The following EIF5B variants were observed in gnomAD, a reference collection of about 807,000 sequenced individuals.
EIF5B encodes the protein eIF-5B.
In EIF5B, 47 loss-of-function variants were observed where a neutral mutation model predicts 147.5. The observed-to-expected ratio is 0.32, with a 90% CI of 0.25 to 0.41. EIF5B has a LOEUF of 0.41. EIF5B is among the 10% of genes least tolerant of loss of function. The pLI is 1.00. For synonymous variants in EIF5B, 455 were observed against 456.2 expected (o/e 1.00, Z 0.03); for missense variants, 1,064 against 1,413.2 (o/e 0.75, Z 3.96).
chr2:99,378,830 A>C (rs1484443209), intron 10 of EIF5B, among the ~76,000 whole-genome samples, 189 bp from the exon 11 acceptor site: 2 of 152,200 alleles, frequency 1.3e-5, no homozygotes, highest in African/African-American at 2.4e-5. Flanking sequence ...GTTTTTCCTT[A>C]TCCAGAGGTG....
chr2:99,380,815 A>G (rs1449286368), intron 12 of EIF5B, among the ~76,000 whole-genome samples: 1 of 152,188 alleles, frequency 6.6e-6, no homozygotes, highest in Non-Finnish European at 1.5e-5. Context: ...CTTCTAGTCA[A>G]TTTCTAAGGA....
intron 1 of EIF5B, among the ~76,000 whole-genome samples, chr2:99,349,231 C>T (rs1040889107): frequency 6.6e-6 from 1 of 152,202 alleles, no homozygotes. Context: ...GTTTTAAAAC[C>T]TCTGCAGTGG....
chr2:99,394,421 A>G, intron 19 of EIF5B, 23 bp downstream of exon 19: 1 of 1,613,610 alleles, frequency 6.2e-7, no homozygotes, highest in African/African-American at 1.3e-5. Flanking sequence ...AACTCGCTCC[A>G]CAAGTGAATG....
At chr2:99,371,802 T>C in intron 9 of EIF5B, 72 bp downstream of exon 9, 2 of 1,367,434 alleles carry the variant, frequency 1.5e-6, no homozygotes, top group Non-Finnish European at 2.0e-6. Context: ...TTTAAATGAA[T>C]AGTCTTTTGA....
Position 99,337,476 on chromosome 2 carries a change from G to A in EIF5B, c.-79G>A, listed in dbSNP as rs2094245598. The A allele has an allele frequency of 3.2e-6, 5 of 1,561,814 alleles. No homozygotes were observed. The highest frequency in any genetic ancestry group is 4.3e-6 in the Non-Finnish European group (5 of 1,150,014). On this transcript the variant is annotated 5_prime_UTR_variant, in exon 1 of 24. Coordinates refer to ENST00000289371, the MANE Select transcript of EIF5B (RefSeq NM_015904.4). ...CACGAGGGGAAAAGAGCTGAGCGGA[G>A]ACCAAAGTCAGCCGGGAGACAGTGG... is the stretch of plus-strand genomic sequence containing the variant.
chr2:99,397,591 A>G (rs942087162), intron 22 of EIF5B: 1 of 152,226 alleles, frequency 6.6e-6, no homozygotes, highest in African/African-American at 2.4e-5. Flanking sequence ...TATTGGAAAG[A>G]CACTCATGCA....
At chr2:99,376,266 C>T in intron 9 of EIF5B, 81 bp from the exon 10 acceptor site, 1 of 953,212 alleles carries the variant, frequency 1.0e-6, no homozygotes, top group Non-Finnish European at 1.5e-6. Flanking sequence ...AGATTGGACA[C>T]CCCTGCTTTA....
chr2:99,388,434 T>TG (rs1553536544), intron 14 of EIF5B, among the ~76,000 whole-genome samples: 2 of 90,786 alleles, frequency 2.2e-5, no homozygotes, highest in Non-Finnish European at 4.3e-5. Flanking sequence ...TTTGTTTTTT[T>TG]GGTTTTTTTG....
Position 99,393,042 on chromosome 2 carries a change from T to G in EIF5B, c.2824T>G (p.Leu942Val). The G allele has an allele frequency of 6.3e-7, 1 of 1,591,904 alleles. No individual in the cohort carries two copies. Among genetic ancestry groups the G allele is most frequent in the Non-Finnish European group, 8.6e-7 (1 of 1,169,340 alleles). Reference sequence around the variant, plus strand: ...TCTTGGAAAAGACCTGGAGAAAACATTGGCTGGTTTACCCCTCCTTGTGGC... The same window carrying G: ...TCTTGGAAAAGACCTGGAGAAAACAGTGGCTGGTTTACCCCTCCTTGTGGC... The part of the protein sequence containing the change: ...KILGKDLEKT[L>V]AGLPLLVAYK... Residue 942 changes from leucine to valine, a missense_variant, in exon 18 of 24, where the codon TTG becomes GTG. Leu to Val is a conservative substitution (Grantham distance 32). This residue lies in a region of EIF5B where 380 missense variants were observed against 715.6 expected (regional missense o/e 0.53). Coordinates refer to ENST00000289371, the MANE Select transcript of EIF5B (RefSeq NM_015904.4).
intron 6 of EIF5B, among the ~76,000 whole-genome samples, chr2:99,366,416 T>C (rs926137346): frequency 1.3e-5 from 2 of 152,206 alleles, no homozygotes; most frequent in Non-Finnish European, 1.5e-5. Context: ...ATCTCTGCAT[T>C]CTCAGCTGGC....
At chr2:99,373,079 CT>C (rs1368735504) in intron 9 of EIF5B, among the ~76,000 whole-genome samples, 1 of 152,078 alleles carries the variant, frequency 6.6e-6, no homozygotes, top group East Asian at 1.9e-4. Flanking sequence ...AATGAATTGA[CT>C]CTTTTATCAT....
At chr2:99,376,310 A>T in intron 9 of EIF5B, 37 bp from the exon 10 acceptor site, 1 of 1,246,164 alleles carries the variant, frequency 8.0e-7, no homozygotes, top group Non-Finnish European at 1.1e-6. Flanking sequence ...CTATCATATT[A>T]ATGTTTATTT....
intron 4 of EIF5B, among the ~76,000 whole-genome samples, chr2:99,363,261 C>G (rs531719917): frequency 6.6e-6 from 1 of 152,284 alleles, no homozygotes; most frequent in Admixed American, 6.5e-5. Flanking sequence ...ACAGAACTTA[C>G]GTGGGTGTTA....
chr2:99,363,990 C>A, intron 5 of EIF5B, 128 bp downstream of exon 5: 1 of 1,078,846 alleles, frequency 9.3e-7, no homozygotes, highest in Non-Finnish European at 1.3e-6. Context: ...TATTATTGTT[C>A]CGATACAAAT....
At chr2:99,379,220 A>C in intron 11 of EIF5B, 94 bp downstream of exon 11, 13 of 1,412,808 alleles carry the variant, frequency 9.2e-6, no homozygotes, top group Non-Finnish European at 1.3e-5. Context: ...ACATATAAGC[A>C]ATTCTGCTTA....
At chr2:99,364,180 A>C in intron 5 of EIF5B, 91 bp from the exon 6 acceptor site, 7 of 1,474,158 alleles carry the variant, frequency 4.7e-6, no homozygotes, top group Non-Finnish European at 5.4e-6. Context: ...ATGTGTCTCA[A>C]GAGATTTATT....
chr2:99,390,151 A>C (rs1674894121), intron 15 of EIF5B, 68 bp from the exon 16 acceptor site: 7 of 1,564,494 alleles, frequency 4.5e-6, no homozygotes, highest in Middle Eastern at 1.7e-4. Context: ...TCCGGCTTCT[A>C]GTGAGGCACA....
intron 10 of EIF5B, among the ~76,000 whole-genome samples, chr2:99,377,344 A>G (rs1338338792): frequency 3.9e-5 from 6 of 151,984 alleles, no homozygotes; most frequent in Admixed American, 3.9e-4. Flanking sequence ...CTAAAGGACT[A>G]AGAGGATTTG....
intron 14 of EIF5B, among the ~76,000 whole-genome samples, chr2:99,385,986 T>G (rs1262164886): frequency 1.3e-5 from 2 of 152,270 alleles, no homozygotes; most frequent in African/African-American, 4.8e-5. Flanking sequence ...TATGTAATTT[T>G]TTAAGTTTGG....
Sources: allele counts gnomAD v4.1 joint callset (sites outside exome capture counted in the v4.1 genomes callset), GRCh38; gene constraint gnomAD v4.1.1; regional missense constraint gnomAD v4.1.1; transcripts MANE v1.5; gene names NCBI Gene and HGNC (gene_info 2026-07-23, HGNC 2026-07-21).